RASGEF1C: variants seen among roughly 807,000 people sequenced by gnomAD.
RASGEF1C encodes ras-GEF domain-containing family member 1C.
In RASGEF1C, 27 loss-of-function variants were observed where a neutral mutation model predicts 58.1. The ratio of observed to expected loss-of-function variants is 0.46; its 90% CI spans 0.34 to 0.64. RASGEF1C has a LOEUF of 0.64. Among genes scored for constraint, RASGEF1C ranks in the 30% least tolerant of loss-of-function variants. The probability of loss-of-function intolerance (pLI) is 0.01; values close to 1 mark genes in which losing one functional copy is unlikely to be tolerated. For synonymous variants in RASGEF1C, 243 were observed against 246.3 expected, an observed-to-expected ratio of 0.99 and a Z score of 0.13; for missense variants, 502 against 605.1, an observed-to-expected ratio of 0.83 and a Z score of 1.79.
intron 1 of RASGEF1C, among the ~76,000 whole-genome samples, chr5:180,160,478 A>T (rs1766923254): frequency 6.6e-6 from 1 of 152,016 alleles, no homozygotes; most frequent in Admixed American, 6.5e-5. Flanking sequence ...TCACTCCCCC[A>T]CTTGGGGTCA....
chr5:180,170,457 A>C (rs1767091655), intron 1 of RASGEF1C, among the ~76,000 whole-genome samples: 1 of 152,160 alleles, frequency 6.6e-6, no homozygotes, highest in Non-Finnish European at 1.5e-5. Flanking sequence ...CCAGGGACGC[A>C]AGTTGTAGCG....
At chr5:180,207,632 C>CTGTCCGTCTGTCGCT (rs75928125) in intron 1 of RASGEF1C, among the ~76,000 whole-genome samples, 115,768 of 151,876 alleles carry the variant, frequency 0.76, 44,404 homozygotes, top group East Asian at 0.84. Context: ...CCTCTCTCGC[C>CTGTCCGTCTGTCGCT]TGCCCTCCCT....
intron 6 of RASGEF1C, among the ~76,000 whole-genome samples, chr5:180,126,154 TC>T (rs1766255212): frequency 6.6e-6 from 1 of 152,152 alleles, no homozygotes; most frequent in Admixed American, 6.5e-5. Context: ...ACGCCTGTAA[TC>T]CCAGCACTTT....
chr5:180,197,701 C>T lies in RASGEF1C; in HGVS notation c.-7+11327G>A, dbSNP rs1309507926. ...CTGCTGTGGGAATTACCTGAGGCCACAGGGACTCAGCCAATGGCACTGTGC... is the reference window on the plus strand; with the variant it reads ...CTGCTGTGGGAATTACCTGAGGCCATAGGGACTCAGCCAATGGCACTGTGC... On this transcript the variant is annotated intron_variant, in intron 1 of 13. Coordinates refer to ENST00000361132, the MANE Select transcript of RASGEF1C (RefSeq NM_175062.4). This position sits in a 1 kb window ranked among gnomAD's most constrained non-coding sequence, Gnocchi z 4.7. 2.6e-5 allele frequency among the ~76,000 whole-genome samples: 4 copies of T among 152,214 alleles called. No individual in the cohort carries two copies. Among genetic ancestry groups the T allele is most frequent in the Admixed American group, 2.0e-4 (3 of 15,286 alleles).
At chr5:180,186,985 A>G (rs1756055617) in intron 1 of RASGEF1C, among the ~76,000 whole-genome samples, 1 of 152,012 alleles carries the variant, frequency 6.6e-6, no homozygotes. Flanking sequence ...CAAAAAAACC[A>G]CCCATCTTAA....
chr5:180,121,062 T>C lies in RASGEF1C; in HGVS notation c.802A>G (p.Met268Val), dbSNP rs2113256152. The part of the protein sequence containing the change: ...LCYLVATEIC[M>V]PAKKKQRAQV... ...GCCCACCCTGGCTGTCTACTCACCA[T>C]GCAGATCTCAGTTGCCACCAGGTAG... Residue 268 changes from methionine (M) to valine (V), a missense_variant and splice_region_variant, in exon 7 of 14, where the codon ATG becomes GTG. By Grantham distance (21) the Met-to-Val change is conservative. Transcript: ENST00000361132. The C allele has an allele frequency of 6.2e-7, 1 of 1,612,722 alleles. No individual in the cohort carries two copies. The highest frequency in any genetic ancestry group is 1.7e-4 in the Middle Eastern group (1 of 6,058).
At chr5:180,139,045 C>T (rs957341779) in intron 1 of RASGEF1C, among the ~76,000 whole-genome samples, 10 of 152,170 alleles carry the variant, frequency 6.6e-5, no homozygotes, top group African/African-American at 2.2e-4. Flanking sequence ...CAGCTGCAGC[C>T]GTTACAGTGT....
At chr5:180,102,255 A>G (rs1765800096) in intron 12 of RASGEF1C, 112 bp from the exon 13 acceptor site, 1 of 667,884 alleles carries the variant, frequency 1.5e-6, no homozygotes, top group Non-Finnish European at 2.7e-6. Flanking sequence ...TGTCCCATTG[A>G]TCCATGTGTC....
intron 1 of RASGEF1C, among the ~76,000 whole-genome samples, chr5:180,166,450 C>T (rs1040658525): frequency 3.9e-5 from 6 of 151,948 alleles, no homozygotes; most frequent in African/African-American, 1.5e-4. Flanking sequence ...CTATTGGCAA[C>T]ACACCCTCTT....
chr5:180,187,972 C>A (rs1427936144), intron 1 of RASGEF1C, among the ~76,000 whole-genome samples: 1 of 152,204 alleles, frequency 6.6e-6, no homozygotes, highest in Non-Finnish European at 1.5e-5. Flanking sequence ...AGCAATTCCA[C>A]TCCCAGTTAC....
intron 1 of RASGEF1C, among the ~76,000 whole-genome samples, chr5:180,170,641 C>G (rs537086031): frequency 6.6e-6 from 1 of 152,168 alleles, no homozygotes; most frequent in East Asian, 1.9e-4. Flanking sequence ...TCGAACCTTC[C>G]GGAGGTCCCT....
chr5:180,164,142 T>C (rs1766985899), intron 1 of RASGEF1C, among the ~76,000 whole-genome samples: 1 of 152,236 alleles, frequency 6.6e-6, no homozygotes, highest in Non-Finnish European at 1.5e-5. Context: ...CGCTAGAGAT[T>C]TGTCAATTGT....
intron 7 of RASGEF1C, among the ~76,000 whole-genome samples, chr5:180,120,724 G>A (rs934338390): frequency 7.2e-5 from 11 of 152,190 alleles, no homozygotes; most frequent in African/African-American, 2.7e-4. Flanking sequence ...AGCCAAACGA[G>A]GCCCGTTGCA....
At chr5:180,179,691 A>G (rs573589547) in intron 1 of RASGEF1C, among the ~76,000 whole-genome samples, 1 of 152,322 alleles carries the variant, frequency 6.6e-6, no homozygotes, top group African/African-American at 2.4e-5. Flanking sequence ...CTCTCCATTC[A>G]AGGAATACTG....
rs77271640 is a variant in RASGEF1C, at chr5:180,110,222, G to A, written c.1303+1235C>T. Among the ~76,000 whole-genome samples the A allele has an allele frequency of 6.5e-3, 990 of 152,220 alleles. 6 individuals carry two copies. Among genetic ancestry groups the A allele is most frequent in the Non-Finnish European group, 0.011 (723 of 68,006 alleles). On this transcript the variant is annotated intron_variant, in intron 12 of 13. Coordinates refer to ENST00000361132, the MANE Select transcript of RASGEF1C (RefSeq NM_175062.4). ...TCGCACAGCTCGCTGGGGTGGGAGCGGCTCAGACAGGTTTATTCATCAGCT... is the reference window on the plus strand; with the variant it reads ...TCGCACAGCTCGCTGGGGTGGGAGCAGCTCAGACAGGTTTATTCATCAGCT...
chr5:180,121,684 CT>C (rs1332164490), intron 6 of RASGEF1C, among the ~76,000 whole-genome samples: 2 of 147,618 alleles, frequency 1.4e-5, no homozygotes, highest in Admixed American at 6.8e-5. Context: ...CACACACACC[CT>C]CATTATTCCT....
At position 180,190,262 on chromosome 5, in the gene RASGEF1C, C is replaced by T. The variant is rs567941686; in HGVS notation, c.-7+18766G>A. 2.5e-4 allele frequency among the ~76,000 whole-genome samples: 38 copies of T among 150,768 alleles called. 1 individual carries two copies. Among genetic ancestry groups the T allele is most frequent in the South Asian group, 1.0e-3 (5 of 4,778 alleles). On this transcript the variant is annotated intron_variant, in intron 1 of 13. Coordinates refer to ENST00000361132, the MANE Select transcript of RASGEF1C (RefSeq NM_175062.4). ...CAGCATTTTGGGAGGCCGAGGCAGG[C>T]GGATCACGAGGTTAGGAGATCGAGA...
chr5:180,147,397 T>G (rs780710185), intron 1 of RASGEF1C, among the ~76,000 whole-genome samples: 36 of 152,122 alleles, frequency 2.4e-4, no homozygotes, highest in Non-Finnish European at 4.4e-4. Context: ...ACAATTAGGT[T>G]GTTATTTTGA....
In RASGEF1C at chr5:180,137,663, G is replaced by A. The variant is rs761124687; in HGVS notation, c.227C>T (p.Pro76Leu). ...GCAGACCCGGGCCAGGAGCTCCCGG[G>A]GCTCGATGAAGAGGCGAGAGCTCAG... ...FLLSSRLFIEPRELLARVCHL... is the reference protein window; with the variant it reads ...FLLSSRLFIELRELLARVCHL... Residue 76 changes from proline to leucine, a missense_variant, in exon 3 of 14, where the codon CCC becomes CTC. By Grantham distance (98) the Pro-to-Leu change is moderately conservative (BLOSUM62 -3). Transcript: ENST00000361132. The surrounding 1 kb of genome is among the most constrained non-coding windows in gnomAD (Gnocchi z 4.1). 6.2e-7 allele frequency: 1 copy of A among 1,612,896 alleles called. No homozygotes were observed. Among genetic ancestry groups the A allele is most frequent in the Non-Finnish European group, 8.5e-7 (1 of 1,180,014 alleles).
Sources: allele counts gnomAD v4.1 joint callset (sites outside exome capture counted in the v4.1 genomes callset), GRCh38; gene constraint gnomAD v4.1.1; non-coding constraint Gnocchi (gnomAD v3.1); transcripts MANE v1.5; gene names NCBI Gene and HGNC (gene_info 2026-07-23, HGNC 2026-07-21).